The following ZNF592 variants were observed in gnomAD, a reference collection of about 807,000 sequenced individuals.
ZNF592 encodes spinocerebellar ataxia, autosomal recessive 5.
In ZNF592, 11 loss-of-function variants were observed where a neutral mutation model predicts 80.3. The ratio of observed to expected loss-of-function variants is 0.14; its 90% CI spans 0.09 to 0.23. ZNF592 has a LOEUF of 0.23. Ranked by LOEUF, ZNF592 falls within the 10% of genes least tolerant of loss-of-function variation. The pLI, the probability that ZNF592 is intolerant of heterozygous loss-of-function variation, is 1.00. For missense variants in ZNF592, 1,420 were observed against 1,633.9 expected, an observed-to-expected ratio of 0.87 and a Z score of 2.26; for synonymous variants, 646 against 640.3, an observed-to-expected ratio of 1.01 and a Z score of -0.13.
intron 2 of ZNF592, among the ~76,000 whole-genome samples, chr15:84,768,230 C>CTTTTTTTTTTTTTTTTTTT (rs995969490): frequency 8.2e-6 from 1 of 122,340 alleles, no homozygotes; most frequent in Admixed American, 8.4e-5. Flanking sequence ...TTCTTTCTTT[C>CTTTTTTTTTTTTTTTTTTT]TTTTTTTTTT....
rs1334160005 is a variant in ZNF592, at chr15:84,799,454, C to T, written c.3137+244C>T. 2.0e-5 allele frequency among the ~76,000 whole-genome samples: 3 copies of T among 152,178 alleles called. No individual in the cohort carries two copies. The highest frequency in any genetic ancestry group is 2.1e-4 in the South Asian group (1 of 4,834). ...CCAGGACTGCACAGCCCATCAGTCA[C>T]GAAGCATCCTGAGGTTTAAGAGGAG... On this transcript the variant is annotated intron_variant, in intron 9 of 10. Coordinates refer to ENST00000560079, the MANE Select transcript of ZNF592 (RefSeq NM_014630.3). The surrounding 1 kb of genome is among the most constrained non-coding windows in gnomAD (Gnocchi z 4.2).
At chr15:84,760,463 C>A (rs926242594) in intron 1 of ZNF592, among the ~76,000 whole-genome samples, 2 of 152,178 alleles carry the variant, frequency 1.3e-5, no homozygotes, top group Non-Finnish European at 2.9e-5. Flanking sequence ...GAATCTGTCT[C>A]TGTATGTCTG....
chr15:84,781,172 C>T (rs757258765), intron 3 of ZNF592, among the ~76,000 whole-genome samples: 19 of 152,066 alleles, frequency 1.2e-4, no homozygotes, highest in Non-Finnish European at 2.2e-4. Context: ...CCTCAGCCTC[C>T]GGAGTAGCTG....
At chr15:84,749,547 T>G (rs1400362951) in intron 1 of ZNF592, among the ~76,000 whole-genome samples, 4 of 152,212 alleles carry the variant, frequency 2.6e-5, no homozygotes, top group Non-Finnish European at 4.4e-5. Context: ...GGGAAGCATG[T>G]TTGGCATCCA....
At chr15:84,777,657 A>G (rs562999291) in intron 2 of ZNF592, among the ~76,000 whole-genome samples, 1 of 151,330 alleles carries the variant, frequency 6.6e-6, no homozygotes, top group African/African-American at 2.4e-5. Flanking sequence ...TAAAATGAAG[A>G]TAAACAAAAG....
intron 5 of ZNF592, among the ~76,000 whole-genome samples, chr15:84,796,496 G>T (rs2141998542): frequency 6.6e-6 from 1 of 151,758 alleles, no homozygotes; most frequent in Middle Eastern, 3.4e-3. Context: ...ACCTATGTGT[G>T]TTCTTGGGCA....
chr15:84,772,752 C>T (rs748898528), intron 2 of ZNF592, among the ~76,000 whole-genome samples: 72 of 151,892 alleles, frequency 4.7e-4, no homozygotes, highest in Non-Finnish European at 1.5e-4. Context: ...TTTTTTCTCT[C>T]TCACAGTTCA....
At chr15:84,768,084 G>A (rs189208258) in intron 2 of ZNF592, among the ~76,000 whole-genome samples, 1 of 150,014 alleles carries the variant, frequency 6.7e-6, no homozygotes, top group East Asian at 2.0e-4. Flanking sequence ...GTAGAGATGG[G>A]GTTTTGCCAT....
chr15:84,794,096 T>TG (rs538443464), intron 5 of ZNF592, among the ~76,000 whole-genome samples: 1 of 150,118 alleles, frequency 6.7e-6, no homozygotes, highest in African/African-American at 2.5e-5. Context: ...TGTCAGCGGG[T>TG]GGGGGGCTAG....
Position 84,798,923 on chromosome 15 carries a change from TC to T in ZNF592, c.3024+50del, listed in dbSNP as rs1377051858. On this transcript the variant is annotated intron_variant, in intron 8 of 10. Transcript: ENST00000560079. The surrounding 1 kb of genome is among the most constrained non-coding windows in gnomAD (Gnocchi z 4.5). ...AATGCAGAGCCCAGTCCTCTGGACT[TC>T]CTTCTGTGAAGCCAGAACCCCTAGG... 1.3e-6 allele frequency: 2 copies of T among 1,597,478 alleles called. No homozygotes were observed. The highest frequency in any genetic ancestry group is 1.7e-6 in the Non-Finnish European group (2 of 1,177,194).
Position 84,750,774 on chromosome 15 carries a change from G to T in ZNF592, c.-259+2110G>T, listed in dbSNP as rs548469163. 1.3e-4 allele frequency among the ~76,000 whole-genome samples: 20 copies of T among 152,254 alleles called. No individual in the cohort carries two copies. The South Asian group carries it at 4.1e-3, about 32-fold the overall frequency. On this transcript the variant is annotated intron_variant, in intron 1 of 10. Transcript: ENST00000560079. The stretch of plus-strand genomic sequence containing the variant: ...GAGGGTTAAGAGTTAACCATGTGTG[G>T]AGCTGACTGTAGCAAGGAGGAAGTG...
At chr15:84,789,839 G>C (rs976671796) in intron 4 of ZNF592, among the ~76,000 whole-genome samples, 1 of 152,160 alleles carries the variant, frequency 6.6e-6, no homozygotes, top group African/African-American at 2.4e-5. Flanking sequence ...AGTAGGACAG[G>C]TGTCCCCTTT....
At chr15:84,793,223 T>A (rs1052402829) in intron 5 of ZNF592, among the ~76,000 whole-genome samples, 5 of 152,116 alleles carry the variant, frequency 3.3e-5, no homozygotes, top group African/African-American at 1.2e-4. Context: ...ATTATAGGCA[T>A]GTGCCACCAC....
In ZNF592 at chr15:84,783,353, G is replaced by A; in HGVS notation, c.678G>A (p.Val226=). ...ACGAGCAAAGTGGGCAGAACACAGT[G>A]GAACCTCACAAGGATCCGGATGCCA... ...QEHEQSGQNT[V]EPHKDPDATR... Residue 226 remains valine (V), a synonymous_variant, in exon 4 of 11, where the codon GTG becomes GTA. Transcript: ENST00000560079. The surrounding 1 kb of genome is among the most constrained non-coding windows in gnomAD (Gnocchi z 5.0). The A allele has an allele frequency of 6.2e-7, 1 of 1,614,240 alleles. No homozygotes were observed. The highest frequency in any genetic ancestry group is 1.1e-5 in the South Asian group (1 of 91,088).
At chr15:84,754,724 G>C (rs915770404) in intron 1 of ZNF592, among the ~76,000 whole-genome samples, 4 of 150,816 alleles carry the variant, frequency 2.7e-5, no homozygotes, top group Non-Finnish European at 5.9e-5. Context: ...AAAAAAAAGA[G>C]AGGTAATGGT....
chr15:84,769,594 G>A (rs944966921), intron 2 of ZNF592, among the ~76,000 whole-genome samples: 16 of 151,740 alleles, frequency 1.1e-4, no homozygotes, highest in Non-Finnish European at 2.2e-4. Context: ...AGGCCTTTGT[G>A]TGCCTGGACA....
At chr15:84,786,562 G>A (rs1380369975) in intron 4 of ZNF592, among the ~76,000 whole-genome samples, 1 of 152,150 alleles carries the variant, frequency 6.6e-6, no homozygotes, top group Non-Finnish European at 1.5e-5. Flanking sequence ...CTTCTGCAGA[G>A]GACTCAGCCC....
chr15:84,775,438 G>A (rs1229042637), intron 2 of ZNF592, among the ~76,000 whole-genome samples: 1 of 148,900 alleles, frequency 6.7e-6, no homozygotes, highest in African/African-American at 2.5e-5. Flanking sequence ...TTGTTGTTCT[G>A]TTTTGTTTTT....
intron 2 of ZNF592, among the ~76,000 whole-genome samples, chr15:84,766,560 G>A (rs1338367695): frequency 1.3e-5 from 2 of 152,060 alleles, no homozygotes; most frequent in Non-Finnish European, 2.9e-5. Context: ...GAGAGAAGAG[G>A]GAGGAAGAGA....
Sources: gnomAD v4.1 joint callset for allele counts (sites outside exome capture counted in the v4.1 genomes callset) on GRCh38, gnomAD v4.1.1 for gene constraint, Gnocchi (gnomAD v3.1) non-coding constraint, MANE v1.5 for transcripts, NCBI Gene and HGNC (gene_info 2026-07-23, HGNC 2026-07-21) for gene names.